Variants in DCC observed in about 807,000 individuals in gnomAD.
DCC encodes DCC netrin 1 receptor.
Under a neutral mutation model 172.5 loss-of-function variants are expected in DCC, and 58 were observed. The observed-to-expected ratio is 0.34, with a 90% confidence interval of 0.27 to 0.42. The LOEUF (loss-of-function observed/expected upper bound fraction) is 0.42, where lower values mean the gene tolerates loss of function less well. Among genes scored for constraint, DCC ranks in the 10% least tolerant of loss-of-function variants. The pLI is 1.00. For missense variants in DCC, 1,740 were observed against 1,791.0 expected (o/e 0.97, Z 0.51); for synonymous variants, 709 against 644.5 (o/e 1.10, Z -1.52).
intron 15 of DCC, among the ~76,000 whole-genome samples, chr18:53,378,499 A>AT (rs920633679): frequency 5.3e-5 from 8 of 152,120 alleles, no homozygotes; most frequent in African/African-American, 1.9e-4. Context: ...CTTTGGATTC[A>AT]TTTTTTCACA....
At chr18:53,152,729 A>G (rs1480230229) in intron 7 of DCC, among the ~76,000 whole-genome samples, 1 of 152,212 alleles carries the variant, frequency 6.6e-6, no homozygotes, top group African/African-American at 2.4e-5. Flanking sequence ...CAAAGAAAAG[A>G]AGTCCTGATT....
intron 1 of DCC, among the ~76,000 whole-genome samples, chr18:52,622,420 G>A (rs373245829): frequency 6.6e-6 from 1 of 152,160 alleles, no homozygotes; most frequent in Non-Finnish European, 1.5e-5. Flanking sequence ...AGTCCGGACT[G>A]GGTCCCAAGA....
chr18:52,467,490 C>A (rs1988820475), intron 1 of DCC, among the ~76,000 whole-genome samples: 1 of 152,120 alleles, frequency 6.6e-6, no homozygotes, highest in African/African-American at 2.4e-5. Context: ...CTATTTTGAA[C>A]AGTGCTGCAA....
At chr18:53,482,323 A>G (rs1013640183) in intron 25 of DCC, among the ~76,000 whole-genome samples, 2 of 152,142 alleles carry the variant, frequency 1.3e-5, no homozygotes, top group African/African-American at 4.8e-5. Context: ...GCAGAAACAT[A>G]CAACAGATTT....
At chr18:53,440,656 G>T (rs961968153) in intron 22 of DCC, among the ~76,000 whole-genome samples, 3 of 152,016 alleles carry the variant, frequency 2.0e-5, no homozygotes, top group African/African-American at 7.2e-5. Context: ...CAAAAGAAAA[G>T]ATACAGAAAC....
chr18:52,693,300 A>G (rs1414842984), intron 1 of DCC, among the ~76,000 whole-genome samples: 1 of 149,382 alleles, frequency 6.7e-6, no homozygotes, highest in Admixed American at 6.7e-5. Flanking sequence ...ATTATATATT[A>G]AGTGTATATA....
At chr18:53,508,382 G>T (rs1444065734) in intron 27 of DCC, among the ~76,000 whole-genome samples, 1 of 151,674 alleles carries the variant, frequency 6.6e-6, no homozygotes, top group Non-Finnish European at 1.5e-5. Context: ...TTGCAGAGAT[G>T]AGGTTTTGTT....
chr18:52,513,565 T>C lies in DCC; in HGVS notation c.91+172687T>C, dbSNP rs551986746. ...CTTCTAGAAAGCAGGTCAGTATTAT[T>C]TAAAATAATATATGTTATGTACATT... On this transcript the variant is annotated intron_variant, in intron 1 of 28. Coordinates refer to ENST00000442544, the MANE Select transcript of DCC (RefSeq NM_005215.4). Among the ~76,000 whole-genome samples the C allele has an allele frequency of 8.3e-4, 127 of 152,316 alleles. 1 individual carries two copies. In the Middle Eastern group the frequency reaches 0.027, roughly 33 times the overall value.
chr18:53,137,214 G>T (rs545462917), intron 7 of DCC, among the ~76,000 whole-genome samples: 76 of 152,240 alleles, frequency 5.0e-4, no homozygotes, highest in African/African-American at 1.7e-3. Flanking sequence ...TGAATTTGAG[G>T]TCTCCCCAGG....
chr18:53,116,903 G>A (rs1218576649), intron 7 of DCC, among the ~76,000 whole-genome samples: 1 of 151,580 alleles, frequency 6.6e-6, no homozygotes, highest in Non-Finnish European at 1.5e-5. Flanking sequence ...TATTAAGTTA[G>A]TTTTGAAAAA....
chr18:52,964,164 A>T (rs2040891175), intron 5 of DCC, among the ~76,000 whole-genome samples: 1 of 152,166 alleles, frequency 6.6e-6, no homozygotes, highest in South Asian at 2.1e-4. Flanking sequence ...TGCTCTTTTT[A>T]AGGAACTTAC....
chr18:52,764,435 G>A (rs941828261), intron 2 of DCC, among the ~76,000 whole-genome samples: 1 of 152,218 alleles, frequency 6.6e-6, no homozygotes, highest in Non-Finnish European at 1.5e-5. Flanking sequence ...AATGGGAGGT[G>A]TTTGTGTTAT....
At chr18:53,368,504 A>C (rs1255236295) in intron 15 of DCC, among the ~76,000 whole-genome samples, 2 of 152,124 alleles carry the variant, frequency 1.3e-5, no homozygotes, top group Non-Finnish European at 2.9e-5. Flanking sequence ...TGTCATATCC[A>C]AGAAAACATT....
At chr18:53,502,082 GTT>G (rs1018078014) in intron 27 of DCC, among the ~76,000 whole-genome samples, 3 of 152,018 alleles carry the variant, frequency 2.0e-5, no homozygotes, top group Non-Finnish European at 4.4e-5. Flanking sequence ...GCAAAATCTC[GTT>G]TTCTTTTATT....
intron 2 of DCC, among the ~76,000 whole-genome samples, chr18:52,848,172 G>A (rs1415953763): frequency 7.0e-6 from 1 of 142,886 alleles, no homozygotes; most frequent in East Asian, 2.1e-4. Flanking sequence ...TGCAACCTCC[G>A]CCTCCCAGGT....
chr18:52,417,604 C>T (rs919269545), intron 1 of DCC, among the ~76,000 whole-genome samples: 30 of 152,236 alleles, frequency 2.0e-4, no homozygotes, highest in South Asian at 1.2e-3. Context: ...CTTCCCTTCT[C>T]GCTTTATTTC....
chr18:52,883,253 A>C (rs891590890), intron 2 of DCC, among the ~76,000 whole-genome samples: 2 of 151,500 alleles, frequency 1.3e-5, no homozygotes, highest in Non-Finnish European at 2.9e-5. Flanking sequence ...CTTACATTCA[A>C]TGTTATGATT....
In DCC at chr18:53,245,865, C is replaced by T. The variant is rs142195178; in HGVS notation, c.1911+30268C>T. ...CCTTGAGTTTTACTTGTCAGGCTTT[C>T]GTAGTTTAGTTTATATTTTCTTCAT... On this transcript the variant is annotated intron_variant, in intron 12 of 28. Coordinates refer to ENST00000442544, the MANE Select transcript of DCC (RefSeq NM_005215.4). Among the ~76,000 whole-genome samples, 283 of 152,088 alleles carry T rather than the reference C, an allele frequency of 1.9e-3. 2 individuals are homozygous for T. Among genetic ancestry groups the T allele is most frequent in the African/African-American group, 6.4e-3 (266 of 41,510 alleles).
intron 12 of DCC, among the ~76,000 whole-genome samples, chr18:53,223,713 C>G (rs1203491882): frequency 6.6e-6 from 1 of 152,088 alleles, no homozygotes; most frequent in African/African-American, 2.4e-5. Flanking sequence ...GAACCATTCA[C>G]CCATGTGCAA....
Sources: gnomAD v4.1 joint callset for allele counts (sites outside exome capture counted in the v4.1 genomes callset) on GRCh38, gnomAD v4.1.1 for gene constraint, MANE v1.5 for transcripts, NCBI Gene and HGNC (gene_info 2026-07-23, HGNC 2026-07-21) for gene names.